Variants in HECW2 observed in about 807,000 individuals in gnomAD.
The protein encoded by HECW2 is E3 ubiquitin-protein ligase HECW2.
HECW2 carries 61 observed loss-of-function variants against 175.2 expected under a neutral mutation model. The observed-to-expected ratio is 0.35, with a 90% CI of 0.28 to 0.43. The LOEUF (loss-of-function observed/expected upper bound fraction) is 0.43. Ranked by LOEUF, HECW2 falls within the 20% of genes least tolerant of loss-of-function variation. The pLI is 1.00. For synonymous variants in HECW2, 671 were observed against 731.0 expected, an observed-to-expected ratio of 0.92 and a Z score of 1.32; for missense variants, 1,524 against 2,000.5, an observed-to-expected ratio of 0.76 and a Z score of 4.54.
At position 196,235,607 on chromosome 2, in the gene HECW2, C is replaced by T. The variant is rs182234020; in HGVS notation, c.3764+4842G>A. On this transcript the variant is annotated intron_variant, in intron 21 of 28. Transcript: ENST00000644978. ...AGAAAGTGGAGCTGAAATCTCTCTGCTCATTCACACCTTTTTTGGAGCACA... is the reference window on the plus strand; with the variant it reads ...AGAAAGTGGAGCTGAAATCTCTCTGTTCATTCACACCTTTTTTGGAGCACA... Among the ~76,000 whole-genome samples, 9 of 149,732 alleles carry T rather than the reference C, an allele frequency of 6.0e-5. No homozygotes were observed. In the East Asian group the frequency reaches 1.8e-3, roughly 30 times the overall value.
At chr2:196,248,591 C>G (rs12470682) in intron 19 of HECW2, among the ~76,000 whole-genome samples, 5,987 of 47,764 alleles carry the variant, frequency 0.13, 213 homozygotes, top group East Asian at 0.38. Context: ...GAGAGAGAGA[C>G]AGACAGACAC....
chr2:196,319,351 A>G lies in HECW2; in HGVS notation c.1539T>C (p.Val513=). 2.5e-6 allele frequency: 4 copies of G among 1,614,144 alleles called. No individual in the cohort carries two copies. The highest frequency in any genetic ancestry group is 3.4e-6 in the Non-Finnish European group (4 of 1,180,024). ...TSQTKLEDNP[V]ENEEASTHEA... The stretch of plus-strand genomic sequence containing the variant: ...CGTGTGTGGAGGCTTCCTCATTCTC[A>G]ACAGGGTTGTCCTCCAGCTTTGTCT... Residue 513 remains valine, a synonymous_variant, in exon 9 of 29, where the codon GTT becomes GTC. Transcript: ENST00000644978.
chr2:196,577,441 T>C (rs1690601501), intron 1 of HECW2, among the ~76,000 whole-genome samples: 1 of 152,062 alleles, frequency 6.6e-6, no homozygotes, highest in Admixed American at 6.6e-5. Flanking sequence ...AGAAAAAGGA[T>C]CTATTAGACC....
intron 1 of HECW2, among the ~76,000 whole-genome samples, chr2:196,534,575 A>C (rs1688955036): frequency 6.6e-6 from 1 of 152,204 alleles, no homozygotes; most frequent in Middle Eastern, 3.2e-3. Flanking sequence ...GCCTCACTCC[A>C]TCTCCCATAA....
chr2:196,395,683 G>A (rs764415548), intron 2 of HECW2, among the ~76,000 whole-genome samples: 5 of 145,816 alleles, frequency 3.4e-5, no homozygotes, highest in Non-Finnish European at 6.0e-5. Flanking sequence ...ATACCACTGT[G>A]CACCCATTAG....
chr2:196,221,779 T>C (rs1687679071), intron 24 of HECW2, among the ~76,000 whole-genome samples: 3 of 152,136 alleles, frequency 2.0e-5, no homozygotes, highest in Admixed American at 1.3e-4. Context: ...AGGCTGGTCC[T>C]GAACTTCTAG....
At chr2:196,402,712 T>C (rs1306931933) in intron 2 of HECW2, among the ~76,000 whole-genome samples, 1 of 152,096 alleles carries the variant, frequency 6.6e-6, no homozygotes, top group Non-Finnish European at 1.5e-5. Flanking sequence ...AGCTAACAAT[T>C]TAATTTGGGA....
rs1021887301 is a variant in HECW2 at position 196,307,118 on chromosome 2, C to G, written c.2689+12G>C. On this transcript the variant is annotated intron_variant, in intron 12 of 28. Coordinates refer to ENST00000644978, the MANE Select transcript of HECW2 (RefSeq NM_001348768.2). ...TTTATGAAATTACAAAAACAAAGCC[C>G]AAAGCTCTTACCTGCACTGGCTTGG... 13 of 1,577,736 alleles carry G rather than the reference C, an allele frequency of 8.2e-6. No individual in the cohort carries two copies. In the African/African-American group the frequency reaches 1.6e-4, roughly 20 times the overall value.
At chr2:196,577,415 G>A (rs764446805) in intron 1 of HECW2, among the ~76,000 whole-genome samples, 19 of 151,894 alleles carry the variant, frequency 1.3e-4, no homozygotes, top group Non-Finnish European at 2.4e-4. Flanking sequence ...TCTATTTAAG[G>A]CTTTGATATT....
chr2:196,548,458 T>C (rs1689497402), intron 1 of HECW2, among the ~76,000 whole-genome samples: 1 of 151,894 alleles, frequency 6.6e-6, no homozygotes, highest in Non-Finnish European at 1.5e-5. Flanking sequence ...ATAACTATTA[T>C]ATTAAACAAA....
chr2:196,223,932 GA>G (rs1687759335), intron 23 of HECW2, among the ~76,000 whole-genome samples: 2 of 152,286 alleles, frequency 1.3e-5, no homozygotes, highest in South Asian at 4.1e-4. Context: ...GGAGTATAAA[GA>G]AGGATATCTA....
chr2:196,349,622 CAA>C (rs1156721403), intron 2 of HECW2, among the ~76,000 whole-genome samples: 1 of 151,980 alleles, frequency 6.6e-6, no homozygotes, highest in Non-Finnish European at 1.5e-5. Flanking sequence ...GATACTTATC[CAA>C]AGTGATTTCA....
chr2:196,218,625 C>T (rs1287871925), intron 26 of HECW2, among the ~76,000 whole-genome samples: 1 of 151,600 alleles, frequency 6.6e-6, no homozygotes, highest in Non-Finnish European at 1.5e-5. Context: ...CCAGACTGGC[C>T]AACATGGTGA....
chr2:196,200,324 A>T lies in HECW2; in HGVS notation c.*953T>A, dbSNP rs1325033686. 6.6e-6 allele frequency: 1 copy of T among 152,280 alleles called. No homozygotes were observed. The highest frequency in any genetic ancestry group is 1.5e-5 in the Non-Finnish European group (1 of 67,946). 9.4% of individuals were successfully genotyped at this position (152,280 alleles called of 1,614,324 possible). On this transcript the variant is annotated 3_prime_UTR_variant, in exon 29 of 29. Coordinates refer to ENST00000644978, the MANE Select transcript of HECW2 (RefSeq NM_001348768.2). ...ACATTCAGTGCAAAATATTTGGGGA[A>T]TTTTTTTTACCTTTATAAAAATAAA... is the stretch of plus-strand genomic sequence containing the variant.
intron 2 of HECW2, among the ~76,000 whole-genome samples, chr2:196,364,320 C>A (rs1423039919): frequency 6.6e-6 from 1 of 152,326 alleles, no homozygotes; most frequent in Non-Finnish European, 1.5e-5. Flanking sequence ...TTAGATTTCC[C>A]AGCTAACCAA....
At chr2:196,235,546 C>A (rs757837236) in intron 21 of HECW2, among the ~76,000 whole-genome samples, 1 of 149,990 alleles carries the variant, frequency 6.7e-6, no homozygotes, top group Non-Finnish European at 1.5e-5. Flanking sequence ...ATTTTAGGAA[C>A]AATTTATATA....
intron 1 of HECW2, among the ~76,000 whole-genome samples, chr2:196,506,351 G>A (rs1207407109): frequency 1.3e-5 from 2 of 152,134 alleles, no homozygotes; most frequent in Admixed American, 6.5e-5. Context: ...CGGTCACTTC[G>A]CAGAATCAAT....
At chr2:196,226,362 C>T (rs552555989) in intron 22 of HECW2, among the ~76,000 whole-genome samples, 35 of 152,164 alleles carry the variant, frequency 2.3e-4, no homozygotes, top group Non-Finnish European at 5.1e-4. Context: ...TGCTATGCTT[C>T]CTGTACAGCC....
At chr2:196,273,792 G>C (rs1689836117) in intron 16 of HECW2, among the ~76,000 whole-genome samples, 1 of 152,166 alleles carries the variant, frequency 6.6e-6, no homozygotes, top group African/African-American at 2.4e-5. Context: ...ACTCAGGAAA[G>C]GTAGGGTGGT....
Sources: gnomAD v4.1 joint callset for allele counts (sites outside exome capture counted in the v4.1 genomes callset) on GRCh38, gnomAD v4.1.1 for gene constraint, MANE v1.5 for transcripts, NCBI Gene and HGNC (gene_info 2026-07-23, HGNC 2026-07-21) for gene names.